The following CAPZA2 variants were observed in gnomAD, a reference collection of about 807,000 sequenced individuals.
CAPZA2 encodes capping actin protein of muscle Z-line subunit alpha 2.
A neutral mutation model predicts 44.0 loss-of-function variants in CAPZA2; 13 were observed. The ratio of observed to expected loss-of-function variants is 0.30; its 90% CI spans 0.19 to 0.47. The LOEUF is 0.47. CAPZA2 is among the 20% of genes least tolerant of loss of function. The probability of loss-of-function intolerance (pLI) is 1.00; values close to 1 mark genes in which losing one functional copy is unlikely to be tolerated. For synonymous variants in CAPZA2, 94 were observed against 108.2 expected, an observed-to-expected ratio of 0.87 and a Z score of 0.81; for missense variants, 244 against 338.6, an observed-to-expected ratio of 0.72 and a Z score of 2.19.
At chr7:116,865,375 G>A (rs200765554) in intron 1 of CAPZA2, among the ~76,000 whole-genome samples, 288 of 151,132 alleles carry the variant, frequency 1.9e-3, no homozygotes, top group Admixed American at 3.4e-3. Context: ...TAGTAGAGAC[G>A]GGGTTTCGCT....
chr7:116,909,581 TAAAA>T (rs1239125428), intron 6 of CAPZA2, among the ~76,000 whole-genome samples: 1 of 142,002 alleles, frequency 7.0e-6, no homozygotes, highest in African/African-American at 2.6e-5. Context: ...ATTGGAAAAC[TAAAA>T]AAAAAAAAAC....
intron 1 of CAPZA2, among the ~76,000 whole-genome samples, chr7:116,886,521 CATT>C (rs1251456357): frequency 2.0e-5 from 3 of 152,168 alleles, no homozygotes; most frequent in African/African-American, 7.2e-5. Context: ...CTTTTCTTTC[CATT>C]ATTTTTAGTT....
chr7:116,906,397 G>T, intron 6 of CAPZA2, 55 bp downstream of exon 6: 1 of 1,584,636 alleles, frequency 6.3e-7, no homozygotes, highest in Non-Finnish European at 8.6e-7. Flanking sequence ...AGTCTTTGTA[G>T]TTCTTGCTTT....
chr7:116,909,289 A>G (rs1179997814), intron 6 of CAPZA2, among the ~76,000 whole-genome samples: 2 of 152,160 alleles, frequency 1.3e-5, no homozygotes, highest in African/African-American at 4.8e-5. Context: ...CAAAAAAGCT[A>G]ACATATTAGA....
chr7:116,884,833 T>C (rs7778837), intron 1 of CAPZA2, among the ~76,000 whole-genome samples: 373 of 152,330 alleles, frequency 2.4e-3, no homozygotes, highest in African/African-American at 8.5e-3. Context: ...CCAAACTGTT[T>C]TCCATACTGG....
chr7:116,905,310 T>C (rs1318312096), intron 5 of CAPZA2, among the ~76,000 whole-genome samples: 1 of 152,106 alleles, frequency 6.6e-6, no homozygotes, highest in African/African-American at 2.4e-5. Context: ...GAAATGCAAA[T>C]CAGGTCATTA....
intron 2 of CAPZA2, among the ~76,000 whole-genome samples, chr7:116,890,528 ATATATATATAT>A (rs1562959901): frequency 1.2e-3 from 8 of 6,670 alleles, no homozygotes; most frequent in African/African-American, 5.1e-3. Flanking sequence ...AAAAAAAAAT[ATATATATATAT>A]ATATATATAT....
At chr7:116,913,381 A>G (rs907202841) in intron 8 of CAPZA2, among the ~76,000 whole-genome samples, 1 of 152,200 alleles carries the variant, frequency 6.6e-6, no homozygotes, top group Non-Finnish European at 1.5e-5. Context: ...AAAGTATTAT[A>G]TAATAGTTTT....
intron 1 of CAPZA2, among the ~76,000 whole-genome samples, chr7:116,866,186 C>CTTTTTTTTTTTTTTTTTTTTTT (rs545644928): frequency 3.5e-5 from 5 of 141,196 alleles, no homozygotes; most frequent in African/African-American, 1.0e-4. Flanking sequence ...GTCCCATAGA[C>CTTTTTTTTTTTTTTTTTTTTTT]TTTTTTTTTT....
intron 3 of CAPZA2, among the ~76,000 whole-genome samples, chr7:116,895,389 A>G (rs559564122): frequency 6.6e-6 from 1 of 152,274 alleles, no homozygotes; most frequent in African/African-American, 2.4e-5. Flanking sequence ...TTTAATTTAA[A>G]TAAATTATAT....
intron 1 of CAPZA2, among the ~76,000 whole-genome samples, chr7:116,864,696 G>C (rs1020848774): frequency 1.3e-5 from 2 of 152,020 alleles, no homozygotes; most frequent in African/African-American, 4.8e-5. Flanking sequence ...GGACTTAAAA[G>C]TGATATTTTA....
chr7:116,863,551 G>A (rs1796445033), intron 1 of CAPZA2, among the ~76,000 whole-genome samples: 1 of 152,214 alleles, frequency 6.6e-6, no homozygotes, highest in Non-Finnish European at 1.5e-5. Context: ...TCATTGAACT[G>A]CTGCTCTCTT....
chr7:116,917,219 A>C (rs1303339594), intron 9 of CAPZA2, among the ~76,000 whole-genome samples: 1 of 152,072 alleles, frequency 6.6e-6, no homozygotes, highest in Non-Finnish European at 1.5e-5. Flanking sequence ...CAAAATTATT[A>C]TAGGCTTTTT....
chr7:116,904,221 G>C lies in CAPZA2; in HGVS notation c.264G>C (p.Leu88Phe), dbSNP rs1355688914. 1.9e-6 allele frequency: 3 copies of C among 1,613,520 alleles called. No individual in the cohort carries two copies. The African/African-American group carries it at 4.0e-5, about 22-fold the overall frequency. The change falls in exon 5 of 10, where the codon TTG (leucine) becomes TTC (phenylalanine). Residue 88 changes from leucine to phenylalanine, a missense_variant. Coordinates refer to ENST00000361183, the MANE Select transcript of CAPZA2 (RefSeq NM_006136.3). ...EHGDLGNGKF[L>F]DPKNRICFKF... ...GCGACTTGGGAAATGGAAAGTTTTT[G>C]GATCCAAAGAACAGAATCTGTTTTA...
rs187185147 is a variant in CAPZA2, at chr7:116,902,572, A to G, written c.220-1605A>G. 3.2e-3 allele frequency among the ~76,000 whole-genome samples: 487 copies of G among 152,324 alleles called. 4 individuals are homozygous for G. The highest frequency in any genetic ancestry group is 0.011 in the African/African-American group (455 of 41,570). On this transcript the variant is annotated intron_variant, in intron 4 of 9. Coordinates refer to ENST00000361183, the MANE Select transcript of CAPZA2 (RefSeq NM_006136.3). ...AATATGGATGGAAACATACTCTCAT[A>G]TATGTGTAGAAATTTGGATTGTCAC...
chr7:116,885,143 T>C (rs1286880962), intron 1 of CAPZA2, among the ~76,000 whole-genome samples: 1 of 152,186 alleles, frequency 6.6e-6, no homozygotes, highest in Non-Finnish European at 1.5e-5. Context: ...TTGTTGAATA[T>C]GCCATTTGAT....
At chr7:116,869,235 C>G (rs1039894090) in intron 1 of CAPZA2, among the ~76,000 whole-genome samples, 2 of 152,136 alleles carry the variant, frequency 1.3e-5, no homozygotes. Flanking sequence ...CTTCTGAAAA[C>G]CACTCTCTGA....
Position 116,918,009 on chromosome 7 carries a change from A to C in CAPZA2, c.*142A>C, listed in dbSNP as rs1300039425. ...TAATTAATTAGTTTGATTAGAGCAC[A>C]AAGCTTAGCTAATCAACCATTATTT... On this transcript the variant is annotated 3_prime_UTR_variant, in exon 10 of 10. Coordinates refer to ENST00000361183, the MANE Select transcript of CAPZA2 (RefSeq NM_006136.3). 8.3e-6 allele frequency: 5 copies of C among 604,770 alleles called. No individual in the cohort carries two copies. The East Asian group carries it at 1.1e-4, about 13-fold the overall frequency. 37.5% of individuals were successfully genotyped at this position (604,770 alleles called of 1,614,324 possible).
chr7:116,879,721 A>T (rs1302893613), intron 1 of CAPZA2, among the ~76,000 whole-genome samples: 1 of 152,168 alleles, frequency 6.6e-6, no homozygotes, highest in Non-Finnish European at 1.5e-5. Flanking sequence ...AACAGGCCCC[A>T]GACTGGTACC....
Sources: allele counts gnomAD v4.1 joint callset (sites outside exome capture counted in the v4.1 genomes callset), GRCh38; gene constraint gnomAD v4.1.1; transcripts MANE v1.5; gene names NCBI Gene and HGNC (gene_info 2026-07-23, HGNC 2026-07-21).